ACOXL: variants seen among roughly 807,000 people sequenced by gnomAD.
The protein encoded by ACOXL is acyl-coenzyme A oxidase-like protein.
ACOXL carries 70 observed loss-of-function variants against 71.9 expected under a neutral mutation model. That is an observed-to-expected ratio of 0.97 (90% CI 0.80 to 1.19). ACOXL has a LOEUF of 1.19. Among genes scored for constraint, ACOXL ranks in the 50% most tolerant of loss-of-function variants. ACOXL has a pLI of 0.00. For synonymous variants in ACOXL, 253 were observed against 281.6 expected (o/e 0.90, Z 1.02); for missense variants, 703 against 736.3 (o/e 0.95, Z 0.52).
chr2:110,826,581 A>G (rs1044694196), intron 9 of ACOXL, among the ~76,000 whole-genome samples: 8 of 152,170 alleles, frequency 5.3e-5, no homozygotes, highest in Admixed American at 3.9e-4. Context: ...TTTCAGATGC[A>G]TTAAATGGCC....
chr2:111,089,286 G>A (rs977164259), intron 16 of ACOXL, among the ~76,000 whole-genome samples: 1 of 151,986 alleles, frequency 6.6e-6, no homozygotes, highest in African/African-American at 2.4e-5. Flanking sequence ...GATAGACCGA[G>A]ACTCCGTCTC....
intron 12 of ACOXL, among the ~76,000 whole-genome samples, chr2:110,966,719 C>T (rs1238724230): frequency 6.6e-6 from 1 of 152,244 alleles, no homozygotes; most frequent in Admixed American, 6.5e-5. Flanking sequence ...GCCTTCACCT[C>T]ATCCAGCATC....
intron 11 of ACOXL, among the ~76,000 whole-genome samples, chr2:110,918,155 A>T (rs1235068012): frequency 2.0e-5 from 3 of 152,346 alleles, no homozygotes; most frequent in Admixed American, 2.0e-4. Flanking sequence ...CTGACTTCAA[A>T]CTATACTACA....
At chr2:110,890,300 C>T (rs575441140) in intron 10 of ACOXL, among the ~76,000 whole-genome samples, 3 of 72,672 alleles carry the variant, frequency 4.1e-5, no homozygotes, top group South Asian at 3.7e-4. Context: ...TTCTTGATGA[C>T]GACATCCTTG....
chr2:110,977,654 T>G (rs2062513767), intron 12 of ACOXL, among the ~76,000 whole-genome samples: 1 of 152,182 alleles, frequency 6.6e-6, no homozygotes, highest in Non-Finnish European at 1.5e-5. Context: ...TGTTGCAGCA[T>G]CTAAATATTT....
intron 12 of ACOXL, among the ~76,000 whole-genome samples, chr2:110,986,256 C>T (rs1392797596): frequency 6.6e-6 from 1 of 152,162 alleles, no homozygotes; most frequent in Admixed American, 6.5e-5. Flanking sequence ...TGTATAAAAA[C>T]ATGCATGCAT....
intron 15 of ACOXL, among the ~76,000 whole-genome samples, chr2:111,044,746 G>A (rs2065936509): frequency 6.6e-6 from 1 of 152,142 alleles, no homozygotes; most frequent in South Asian, 2.1e-4. Flanking sequence ...TGGGTGTTAG[G>A]TATCTCCCAT....
intron 1 of ACOXL, 122 bp downstream of exon 1, chr2:110,732,896 C>A (rs1676348543): frequency 6.6e-6 from 1 of 152,266 alleles, no homozygotes; most frequent in South Asian, 2.1e-4. Flanking sequence ...GTGCGCCGCG[C>A]CTGAGAGGCG....
chr2:110,861,110 G>A (rs916369950), intron 10 of ACOXL, among the ~76,000 whole-genome samples: 3 of 152,084 alleles, frequency 2.0e-5, no homozygotes, highest in Non-Finnish European at 4.4e-5. Flanking sequence ...CTCCTGCCTG[G>A]GCAACAGAGT....
intron 10 of ACOXL, among the ~76,000 whole-genome samples, chr2:110,902,455 G>A (rs2059279828): frequency 6.6e-6 from 1 of 152,232 alleles, no homozygotes; most frequent in Non-Finnish European, 1.5e-5. Context: ...GGGCAACAGA[G>A]TGAGACTCTG....
chr2:110,872,057 G>C lies in ACOXL; in HGVS notation c.788+30652G>C, dbSNP rs549116182. Among the ~76,000 whole-genome samples the C allele has an allele frequency of 8.5e-5, 13 of 152,344 alleles. 1 individual carries two copies. The South Asian group carries it at 2.5e-3, about 29-fold the overall frequency. Reference sequence around the variant, plus strand: ...TCATTAGGGGTTGTTCACACAAGCTGCATGGCAGCTGGGAGCTCAACTGAG... The same window carrying C: ...TCATTAGGGGTTGTTCACACAAGCTCCATGGCAGCTGGGAGCTCAACTGAG... On this transcript the variant is annotated intron_variant, in intron 10 of 17. Coordinates refer to ENST00000439055, the MANE Select transcript of ACOXL (RefSeq NM_001142807.4).
At chr2:110,924,093 C>G (rs1056513226) in intron 11 of ACOXL, among the ~76,000 whole-genome samples, 17 of 152,120 alleles carry the variant, frequency 1.1e-4, no homozygotes, top group Admixed American at 2.6e-4. Context: ...TATATTTACA[C>G]TGTACTACAG....
intron 10 of ACOXL, among the ~76,000 whole-genome samples, chr2:110,890,825 C>G (rs774243928): frequency 6.6e-6 from 1 of 152,080 alleles, no homozygotes; most frequent in African/African-American, 2.4e-5. Flanking sequence ...AATTTCGGTA[C>G]ATCTTGTTGA....
intron 10 of ACOXL, among the ~76,000 whole-genome samples, chr2:110,900,344 T>C (rs2059186176): frequency 6.6e-6 from 1 of 152,144 alleles, no homozygotes. Flanking sequence ...AGATCAAGGA[T>C]GAGCAGCATC....
chr2:111,034,821 C>G (rs1247848703), intron 15 of ACOXL, among the ~76,000 whole-genome samples: 1 of 152,166 alleles, frequency 6.6e-6, no homozygotes, highest in Non-Finnish European at 1.5e-5. Context: ...GTAGAAGGAG[C>G]CCATCTGTCT....
chr2:110,873,346 C>T (rs1257144624), intron 10 of ACOXL, among the ~76,000 whole-genome samples: 1 of 151,868 alleles, frequency 6.6e-6, no homozygotes, highest in Admixed American at 6.5e-5. Context: ...AAGGCCTGGC[C>T]CCAGCTGGGG....
intron 13 of ACOXL, among the ~76,000 whole-genome samples, chr2:110,990,662 A>G (rs939873304): frequency 6.6e-6 from 1 of 152,178 alleles, no homozygotes; most frequent in African/African-American, 2.4e-5. Context: ...TGATAGACAC[A>G]CTTTACTTCC....
rs146251546 is a variant in ACOXL at position 111,042,529 on chromosome 2, C to G, written c.1370-6689C>G. 5.9e-5 allele frequency among the ~76,000 whole-genome samples: 9 copies of G among 152,270 alleles called. No individual in the cohort carries two copies. The East Asian group carries it at 1.7e-3, about 29-fold the overall frequency. On this transcript the variant is annotated intron_variant, in intron 15 of 17. Coordinates refer to ENST00000439055, the MANE Select transcript of ACOXL (RefSeq NM_001142807.4). ...GGATGGGAAGAAGCCATAGAGTGGA[C>G]AGAAGTGGAGGTGGCAGAGTGAAGG...
At chr2:110,747,722 C>G (rs1452202981) in intron 1 of ACOXL, among the ~76,000 whole-genome samples, 2 of 152,188 alleles carry the variant, frequency 1.3e-5, no homozygotes, top group African/African-American at 4.8e-5. Context: ...CCAAAACCGA[C>G]ATACCTTTAC....
Sources: gnomAD v4.1 joint callset for allele counts (sites outside exome capture counted in the v4.1 genomes callset) on GRCh38, gnomAD v4.1.1 for gene constraint, MANE v1.5 for transcripts, NCBI Gene and HGNC (gene_info 2026-07-23, HGNC 2026-07-21) for gene names.